KCND2: variants seen among roughly 807,000 people sequenced by gnomAD.
The protein encoded by KCND2 is A-type voltage-gated potassium channel KCND2.
In KCND2, 16 loss-of-function variants were observed where a neutral mutation model predicts 54.4. That is an observed-to-expected ratio of 0.29 (90% CI 0.20 to 0.45). The LOEUF (loss-of-function observed/expected upper bound fraction) is 0.45, where lower values mean the gene tolerates loss of function less well. Ranked by LOEUF, KCND2 falls within the 20% of genes least tolerant of loss-of-function variation. The pLI, the probability that KCND2 is intolerant of heterozygous loss-of-function variation, is 1.00. For synonymous variants in KCND2, 317 were observed against 310.7 expected (o/e 1.02, Z -0.21); for missense variants, 486 against 824.2 (o/e 0.59, Z 5.02).
At chr7:120,473,227 G>A (rs1802486188) in intron 1 of KCND2, among the ~76,000 whole-genome samples, 1 of 152,124 alleles carries the variant, frequency 6.6e-6, no homozygotes, top group Admixed American at 6.6e-5. Context: ...TAACTTTCAT[G>A]GATAAAAATA....
chr7:120,436,516 T>G (rs999933033), intron 1 of KCND2, among the ~76,000 whole-genome samples: 1 of 152,230 alleles, frequency 6.6e-6, no homozygotes, highest in African/African-American at 2.4e-5. Context: ...CACAGTTTTC[T>G]GTATTTTGCT....
intron 1 of KCND2, among the ~76,000 whole-genome samples, chr7:120,590,885 G>T (rs1047999986): frequency 2.0e-5 from 3 of 152,070 alleles, no homozygotes; most frequent in Non-Finnish European, 2.9e-5. Context: ...CTTCATCAGA[G>T]AATTTTTTTT....
intron 1 of KCND2, among the ~76,000 whole-genome samples, chr7:120,398,959 C>T (rs1343408724): frequency 6.6e-6 from 1 of 151,852 alleles, no homozygotes; most frequent in Non-Finnish European, 1.5e-5. Context: ...GTTACGCTGC[C>T]CAGTTCTCTC....
At position 120,458,572 on chromosome 7, in the gene KCND2, G is replaced by T. The variant is rs550907977; in HGVS notation, c.1115+182825G>T. Among the ~76,000 whole-genome samples the T allele has an allele frequency of 9.9e-4, 150 of 152,046 alleles. 1 individual carries two copies. The highest frequency in any genetic ancestry group is 1.3e-3 in the Non-Finnish European group (87 of 68,020). ...TTCCCAAGTAACTGTCTAGATTGAG[G>T]GATGCTCAAATACAAAATTTGAATC... On this transcript the variant is annotated intron_variant, in intron 1 of 5. Coordinates refer to ENST00000331113, the MANE Select transcript of KCND2 (RefSeq NM_012281.3).
chr7:120,693,094 A>G (rs1005772680), intron 1 of KCND2, among the ~76,000 whole-genome samples: 3 of 152,220 alleles, frequency 2.0e-5, no homozygotes, highest in African/African-American at 7.2e-5. Context: ...CCCTTATTCA[A>G]CTTCCTGATT....
At chr7:120,476,375 C>A (rs985271943) in intron 1 of KCND2, among the ~76,000 whole-genome samples, 1 of 152,138 alleles carries the variant, frequency 6.6e-6, no homozygotes, top group African/African-American at 2.4e-5. Flanking sequence ...AAACAGAAAT[C>A]CTTGTTTTTG....
At chr7:120,691,752 A>G (rs1482545148) in intron 1 of KCND2, among the ~76,000 whole-genome samples, 3 of 152,200 alleles carry the variant, frequency 2.0e-5, no homozygotes, top group Non-Finnish European at 2.9e-5. Context: ...ACTAGATGTC[A>G]TCAACAAGGG....
intron 1 of KCND2, among the ~76,000 whole-genome samples, chr7:120,364,343 G>A (rs972836745): frequency 4.6e-5 from 7 of 152,176 alleles, no homozygotes; most frequent in Middle Eastern, 3.4e-3. Context: ...AAGTATTTTT[G>A]GTACTATTAA....
At chr7:120,369,579 C>G (rs537172578) in intron 1 of KCND2, among the ~76,000 whole-genome samples, 2 of 152,002 alleles carry the variant, frequency 1.3e-5, no homozygotes, top group Non-Finnish European at 2.9e-5. Flanking sequence ...GTAGAGTCTG[C>G]ATGAATATGA....
chr7:120,619,923 T>C (rs1793076567), intron 1 of KCND2, among the ~76,000 whole-genome samples: 1 of 152,176 alleles, frequency 6.6e-6, no homozygotes. Context: ...TCATCCCTAG[T>C]CACGATGGTA....
chr7:120,695,710 T>C (rs1373882238), intron 1 of KCND2, among the ~76,000 whole-genome samples: 1 of 152,224 alleles, frequency 6.6e-6, no homozygotes, highest in Non-Finnish European at 1.5e-5. Context: ...TTCATTTTCT[T>C]CTTCTACAGA....
chr7:120,299,950 T>C (rs1425043539), intron 1 of KCND2, among the ~76,000 whole-genome samples: 1 of 152,212 alleles, frequency 6.6e-6, no homozygotes, highest in Non-Finnish European at 1.5e-5. Flanking sequence ...CTTTTCTGCC[T>C]TGTTGTAGAA....
intron 1 of KCND2, among the ~76,000 whole-genome samples, chr7:120,544,410 A>T (rs924096547): frequency 1.3e-5 from 2 of 151,986 alleles, no homozygotes; most frequent in Non-Finnish European, 2.9e-5. Flanking sequence ...ATTTCCTAAA[A>T]TGGAGTTATA....
chr7:120,581,815 A>G (rs1332495637), intron 1 of KCND2, among the ~76,000 whole-genome samples: 1 of 151,918 alleles, frequency 6.6e-6, no homozygotes, highest in East Asian at 1.9e-4. Flanking sequence ...GCGTTCATGC[A>G]ATTCTCCTGC....
intron 1 of KCND2, among the ~76,000 whole-genome samples, chr7:120,544,457 C>A (rs935496671): frequency 6.6e-6 from 1 of 151,754 alleles, no homozygotes; most frequent in Non-Finnish European, 1.5e-5. Flanking sequence ...TATTTTATCC[C>A]AAATTGAAAA....
chr7:120,609,726 G>C (rs1473818420), intron 1 of KCND2, among the ~76,000 whole-genome samples: 1 of 152,022 alleles, frequency 6.6e-6, no homozygotes, highest in East Asian at 1.9e-4. Flanking sequence ...TTCCACTCAG[G>C]TTCCCAGCTA....
At chr7:120,720,142 A>G (rs2116100829) in intron 1 of KCND2, among the ~76,000 whole-genome samples, 1 of 152,244 alleles carries the variant, frequency 6.6e-6, no homozygotes, top group South Asian at 2.1e-4. Flanking sequence ...CTTCGAGTGT[A>G]CCCTAGAAGA....
At chr7:120,475,135 C>T (rs1196047444) in intron 1 of KCND2, among the ~76,000 whole-genome samples, 1 of 152,168 alleles carries the variant, frequency 6.6e-6, no homozygotes, top group African/African-American at 2.4e-5. Flanking sequence ...TCAGAAAAGT[C>T]TTGTGTTCAC....
chr7:120,678,805 A>G lies in KCND2; in HGVS notation c.1116-54098A>G, dbSNP rs371050563. Among the ~76,000 whole-genome samples, 8 of 145,622 alleles carry G rather than the reference A, an allele frequency of 5.5e-5. 1 individual carries two copies. The South Asian group carries it at 1.5e-3, about 28-fold the overall frequency. ...ACATAAACACACACATTCTCTATCA[A>G]TGAGGGCTTATTGTGAATATAAAGT... On this transcript the variant is annotated intron_variant, in intron 1 of 5. Coordinates refer to ENST00000331113, the MANE Select transcript of KCND2 (RefSeq NM_012281.3).
Sources: allele counts gnomAD v4.1 joint callset (sites outside exome capture counted in the v4.1 genomes callset), GRCh38; gene constraint gnomAD v4.1.1; transcripts MANE v1.5; gene names NCBI Gene and HGNC (gene_info 2026-07-23, HGNC 2026-07-21).